SHLD2: variants seen among roughly 807,000 people sequenced by gnomAD.
SHLD2 encodes shieldin complex subunit 2.
SHLD2 carries 30 observed loss-of-function variants against 73.2 expected under a neutral mutation model. The ratio of observed to expected loss-of-function variants is 0.41; its 90% CI spans 0.31 to 0.56. The LOEUF (loss-of-function observed/expected upper bound fraction) is 0.56. Among genes scored for constraint, SHLD2 ranks in the 20% least tolerant of loss-of-function variants. The probability of loss-of-function intolerance (pLI) is 0.28; values close to 1 mark genes in which losing one functional copy is unlikely to be tolerated. For missense variants in SHLD2, 745 were observed against 1,055.9 expected, an observed-to-expected ratio of 0.71 and a Z score of 4.08; for synonymous variants, 285 against 370.1, an observed-to-expected ratio of 0.77 and a Z score of 2.64.
At chr10:87,118,890 G>A (rs1342508335) in intron 2 of SHLD2, among the ~76,000 whole-genome samples, 15 of 152,228 alleles carry the variant, frequency 9.9e-5, no homozygotes, top group Non-Finnish European at 1.3e-4. Flanking sequence ...TACTATAGCT[G>A]TGGCCTTAGA....
intron 1 of SHLD2, among the ~76,000 whole-genome samples, chr10:87,096,645 G>A (rs1006570212): frequency 6.6e-6 from 1 of 152,176 alleles, no homozygotes; most frequent in Non-Finnish European, 1.5e-5. Flanking sequence ...ACTAGCGTTA[G>A]CGGTCTCAGT....
chr10:87,164,649 G>T (rs561339332), intron 4 of SHLD2, among the ~76,000 whole-genome samples: 1 of 152,108 alleles, frequency 6.6e-6, no homozygotes, highest in South Asian at 2.1e-4. Flanking sequence ...AAGTCTAGTG[G>T]TGCCAGACAA....
chr10:87,190,208 G>A (rs1232849792), intron 9 of SHLD2, among the ~76,000 whole-genome samples: 1 of 152,126 alleles, frequency 6.6e-6, no homozygotes, highest in Non-Finnish European at 1.5e-5. Context: ...ACAGGCATGT[G>A]CCACCACTCC....
At chr10:87,095,441 A>G (rs954140329) in intron 1 of SHLD2, among the ~76,000 whole-genome samples, 193 bp downstream of exon 1, 1 of 151,930 alleles carries the variant, frequency 6.6e-6, no homozygotes, top group Admixed American at 6.5e-5. Flanking sequence ...CGCCCTCGGA[A>G]CGGGCGGCCC....
At position 87,190,723 on chromosome 10, in the gene SHLD2, A is replaced by C. The variant is rs376873169; in HGVS notation, c.*40A>C. On this transcript the variant is annotated 3_prime_UTR_variant, in exon 10 of 10. Coordinates refer to ENST00000298786, the MANE Select transcript of SHLD2 (RefSeq NM_001330112.2). Reference sequence around the variant, plus strand: ...ATTGCAGGCATTTCAAGGAAGAAGTACTGAAATGATTTGTCTTTTGAAATA... The same window carrying C: ...ATTGCAGGCATTTCAAGGAAGAAGTCCTGAAATGATTTGTCTTTTGAAATA... The C allele has an allele frequency of 8.0e-3, 11,939 of 1,491,064 alleles. 80 individuals carry two copies. Among genetic ancestry groups the C allele is most frequent in the Non-Finnish European group, 0.01 (10,935 of 1,070,406 alleles). The allele number at this position is 1,491,064 out of a possible 1,614,324, so 92.4% of individuals were successfully genotyped here.
intron 9 of SHLD2, among the ~76,000 whole-genome samples, chr10:87,190,064 GTTTA>G (rs1848947222): frequency 6.6e-6 from 1 of 152,110 alleles, no homozygotes; most frequent in Non-Finnish European, 1.5e-5. Flanking sequence ...TTACTTACCT[GTTTA>G]TTTATTTAGA....
chr10:87,157,005 G>A (rs1846479182), intron 3 of SHLD2, among the ~76,000 whole-genome samples: 1 of 152,140 alleles, frequency 6.6e-6, no homozygotes, highest in Non-Finnish European at 1.5e-5. Flanking sequence ...GTGGGGCATG[G>A]GCACATTTAA....
In SHLD2 at chr10:87,190,646, C is replaced by A. The variant is rs762019010; in HGVS notation, c.2678C>A (p.Pro893His). 2.5e-6 allele frequency: 4 copies of A among 1,611,912 alleles called. No individual in the cohort carries two copies. The Admixed American group carries it at 5.0e-5, about 20-fold the overall frequency. ...GATTTCTCCCTCCTGGATTTTTATC[C>A]TGACATTGTAAAGCATGGAGCCAAT... ...QQDFSLLDFYPDIVKHGANAR... is the reference protein window; with the variant it reads ...QQDFSLLDFYHDIVKHGANAR... The change falls in exon 10 of 10, where the codon CCT (proline) becomes CAT (histidine). Residue 893 changes from proline (P) to histidine (H), a missense_variant. Pro to His is a moderately conservative substitution (Grantham distance 77, BLOSUM62 -2). Around this residue, in one of 5 missense-constraint regions of SHLD2, gnomAD observed 418 missense variants for 567.8 expected, o/e 0.74. Coordinates refer to ENST00000298786, the MANE Select transcript of SHLD2 (RefSeq NM_001330112.2).
chr10:87,104,243 GAAAAA>G (rs200425745), intron 2 of SHLD2, among the ~76,000 whole-genome samples: 2 of 124,158 alleles, frequency 1.6e-5, no homozygotes, highest in Admixed American at 8.2e-5. Flanking sequence ...TCTCAAAAAA[GAAAAA>G]AAAAAAAAAA....
chr10:87,175,201 A>G (rs1200453972), intron 6 of SHLD2, among the ~76,000 whole-genome samples: 1 of 152,000 alleles, frequency 6.6e-6, no homozygotes, highest in Admixed American at 6.6e-5. Context: ...AGAAAAGTTA[A>G]CTAAAATAAC....
At chr10:87,141,136 G>A (rs945746391) in intron 2 of SHLD2, among the ~76,000 whole-genome samples, 2 of 152,048 alleles carry the variant, frequency 1.3e-5, no homozygotes, top group African/African-American at 2.4e-5. Context: ...ATTTAAAAAG[G>A]GGGGCATGGT....
intron 2 of SHLD2, among the ~76,000 whole-genome samples, chr10:87,114,654 GGTGGAGGTTGCAGTGA>G: frequency 6.6e-6 from 1 of 152,294 alleles, no homozygotes; most frequent in South Asian, 2.1e-4. Flanking sequence ...GAACTCGGGA[GGTGGAGGTTGCAGTGA>G]GCCGAGATTG....
intron 2 of SHLD2, among the ~76,000 whole-genome samples, 156 bp downstream of exon 2, chr10:87,097,145 G>A (rs1241664209): frequency 1.3e-5 from 2 of 152,186 alleles, no homozygotes; most frequent in African/African-American, 4.8e-5. Flanking sequence ...ATTTGTTTAT[G>A]TTCTGAGGAA....
In SHLD2 at chr10:87,126,391, G is replaced by C. The variant is rs186755654; in HGVS notation, c.-5-24959G>C. Among the ~76,000 whole-genome samples the C allele has an allele frequency of 1.2e-4, 18 of 152,160 alleles. No homozygotes were observed. In the East Asian group the frequency reaches 3.5e-3, roughly 29 times the overall value. ...CACCACACCCAGTTGAGCAATACTGGGTTTTAATCAAGATTATTGTCTGAA... is the reference window on the plus strand; with the variant it reads ...CACCACACCCAGTTGAGCAATACTGCGTTTTAATCAAGATTATTGTCTGAA... On this transcript the variant is annotated intron_variant, in intron 2 of 9. Coordinates refer to ENST00000298786, the MANE Select transcript of SHLD2 (RefSeq NM_001330112.2).
intron 2 of SHLD2, among the ~76,000 whole-genome samples, chr10:87,137,861 T>G (rs1457534314): frequency 1.3e-5 from 2 of 152,038 alleles, no homozygotes. Flanking sequence ...AAAGGCACAT[T>G]AGTTATGTGA....
intron 6 of SHLD2, among the ~76,000 whole-genome samples, chr10:87,174,567 C>CAAA (rs5786765): frequency 4.4e-5 from 5 of 113,280 alleles, no homozygotes; most frequent in African/African-American, 1.5e-4. Context: ...GATTTTCCAC[C>CAAA]AAAAAAAAAA....
intron 9 of SHLD2, among the ~76,000 whole-genome samples, chr10:87,190,145 A>G (rs991558559): frequency 6.6e-6 from 1 of 152,042 alleles, no homozygotes. Flanking sequence ...TGCAATCTCT[A>G]CCTCCTGGGT....
intron 7 of SHLD2, among the ~76,000 whole-genome samples, chr10:87,178,774 G>A (rs1848116512): frequency 6.6e-6 from 1 of 152,120 alleles, no homozygotes; most frequent in South Asian, 2.1e-4. Context: ...GAAAGATGTG[G>A]TATTGAATCT....
At chr10:87,175,320 A>C (rs1847884055) in intron 6 of SHLD2, among the ~76,000 whole-genome samples, 1 of 151,992 alleles carries the variant, frequency 6.6e-6, no homozygotes, top group Admixed American at 6.6e-5. Flanking sequence ...TTTTCTTTAC[A>C]GAAAGCAGTT....
Sources: allele counts gnomAD v4.1 joint callset (sites outside exome capture counted in the v4.1 genomes callset), GRCh38; gene constraint gnomAD v4.1.1; regional missense constraint gnomAD v4.1.1; transcripts MANE v1.5; gene names NCBI Gene and HGNC (gene_info 2026-07-23, HGNC 2026-07-21).